PTPRD: variants seen among roughly 807,000 people sequenced by gnomAD.
The protein encoded by PTPRD is protein tyrosine phosphatase receptor type D.
In PTPRD, 34 loss-of-function variants were observed where a neutral mutation model predicts 214.5. The observed-to-expected ratio is 0.16, with a 90% CI of 0.12 to 0.21. The LOEUF is 0.21. PTPRD is among the 10% of genes least tolerant of loss of function. PTPRD has a pLI of 1.00. For synonymous variants in PTPRD, 1,128 were observed against 845.7 expected, an observed-to-expected ratio of 1.33 and a Z score of -5.79; for missense variants, 2,545 against 2,398.7, an observed-to-expected ratio of 1.06 and a Z score of -1.27.
intron 8 of PTPRD, among the ~76,000 whole-genome samples, chr9:9,449,230 G>A (rs35264546): frequency 0.09 from 13,698 of 151,966 alleles, 607 homozygotes; most frequent in South Asian, 0.12. Flanking sequence ...TTACCATTTT[G>A]GAATTATAGA....
intron 11 of PTPRD, among the ~76,000 whole-genome samples, chr9:8,915,060 G>C (rs1188501200): frequency 2.0e-5 from 3 of 152,116 alleles, no homozygotes; most frequent in Non-Finnish European, 4.4e-5. Flanking sequence ...TCAGTGCTAA[G>C]AAAGCTCTCT....
At chr9:9,307,206 T>C (rs1009281750) in intron 9 of PTPRD, among the ~76,000 whole-genome samples, 2 of 152,160 alleles carry the variant, frequency 1.3e-5, no homozygotes, top group Non-Finnish European at 2.9e-5. Flanking sequence ...ATTGTTTGGA[T>C]GGAGAGAAAA....
intron 3 of PTPRD, among the ~76,000 whole-genome samples, chr9:10,238,536 A>C (rs2099636618): frequency 6.6e-6 from 1 of 151,892 alleles, no homozygotes; most frequent in Non-Finnish European, 1.5e-5. Context: ...AAAACACTTA[A>C]AATTTAAAGA....
At chr9:8,937,894 G>T (rs1034257988) in intron 11 of PTPRD, among the ~76,000 whole-genome samples, 3 of 152,130 alleles carry the variant, frequency 2.0e-5, no homozygotes, top group Non-Finnish European at 4.4e-5. Flanking sequence ...TATTTTCACT[G>T]AAAATTAGGT....
intron 14 of PTPRD, among the ~76,000 whole-genome samples, chr9:8,547,586 T>C (rs942892923): frequency 3.4e-5 from 5 of 145,056 alleles, no homozygotes; most frequent in Non-Finnish European, 5.9e-5. Flanking sequence ...GAGGCTACAG[T>C]GAGCCGTGTT....
chr9:10,094,539 C>CTTTT (rs5896370), intron 3 of PTPRD, among the ~76,000 whole-genome samples: 45 of 121,104 alleles, frequency 3.7e-4, no homozygotes, highest in Non-Finnish European at 6.1e-4. Flanking sequence ...TTCTTTCTTT[C>CTTTT]TTTTTTTTTT....
intron 35 of PTPRD, among the ~76,000 whole-genome samples, chr9:8,430,764 C>T (rs142388652): frequency 3.3e-5 from 5 of 152,218 alleles, no homozygotes; most frequent in African/African-American, 1.2e-4. Flanking sequence ...TGTGCCTTTC[C>T]CTTGATAAAA....
chr9:9,586,187 T>C (rs2091915711), intron 7 of PTPRD, among the ~76,000 whole-genome samples: 1 of 151,966 alleles, frequency 6.6e-6, no homozygotes, highest in African/African-American at 2.4e-5. Flanking sequence ...TCATCTCTCA[T>C]ATTTCTTTTT....
intron 3 of PTPRD, among the ~76,000 whole-genome samples, chr9:10,239,121 T>C (rs7025015): frequency 0.13 from 20,328 of 151,910 alleles, 1,424 homozygotes; most frequent in African/African-American, 0.14. Context: ...TTTTAAGTTA[T>C]AGACTAAGTT....
intron 3 of PTPRD, among the ~76,000 whole-genome samples, chr9:10,328,841 C>T (rs1417980833): frequency 6.6e-6 from 1 of 151,752 alleles, no homozygotes; most frequent in Non-Finnish European, 1.5e-5. Flanking sequence ...TCACTTCCAA[C>T]TCTGATAGGA....
intron 4 of PTPRD, among the ~76,000 whole-genome samples, chr9:9,960,419 T>G (rs1296248676): frequency 6.6e-6 from 1 of 152,088 alleles, no homozygotes; most frequent in Non-Finnish European, 1.5e-5. Context: ...TCCTGCGCTG[T>G]GGCCTCTATG....
intron 22 of PTPRD, among the ~76,000 whole-genome samples, chr9:8,505,446 T>C (rs1416196734): frequency 1.3e-5 from 2 of 151,422 alleles, no homozygotes; most frequent in African/African-American, 2.4e-5. Context: ...CATGGTGAAA[T>C]CCCATCTCTC....
intron 11 of PTPRD, among the ~76,000 whole-genome samples, chr9:9,016,059 A>G (rs556588542): frequency 2.8e-4 from 42 of 152,294 alleles, no homozygotes; most frequent in Non-Finnish European, 2.9e-4. Context: ...AAAGAGTTGT[A>G]GGATTAAAAA....
chr9:8,349,437 G>A (rs1458645459), intron 39 of PTPRD, among the ~76,000 whole-genome samples: 1 of 152,054 alleles, frequency 6.6e-6, no homozygotes, highest in African/African-American at 2.4e-5. Flanking sequence ...TCAAAATGAA[G>A]GATTGTACTT....
intron 3 of PTPRD, among the ~76,000 whole-genome samples, chr9:10,166,161 T>C (rs1697356830): frequency 1.3e-5 from 2 of 149,738 alleles, no homozygotes; most frequent in African/African-American, 4.9e-5. Context: ...ATCCATAATA[T>C]ACATCTCTAA....
chr9:8,645,499 T>G (rs2096667730), intron 12 of PTPRD, among the ~76,000 whole-genome samples: 1 of 152,216 alleles, frequency 6.6e-6, no homozygotes, highest in Non-Finnish European at 1.5e-5. Context: ...ACCATTAATT[T>G]TATTTAGGCC....
chr9:9,129,069 A>G (rs564553012), intron 10 of PTPRD, among the ~76,000 whole-genome samples: 1 of 152,222 alleles, frequency 6.6e-6, no homozygotes, highest in Non-Finnish European at 1.5e-5. Flanking sequence ...CTGCTCTTAC[A>G]AGCAGTCCTA....
chr9:9,894,927 C>T (rs957508494), intron 5 of PTPRD, among the ~76,000 whole-genome samples: 1 of 151,878 alleles, frequency 6.6e-6, no homozygotes, highest in African/African-American at 2.4e-5. Context: ...TTGATTTTAA[C>T]TCTAAGAACA....
chr9:8,569,026 T>G (rs909348207), intron 14 of PTPRD, among the ~76,000 whole-genome samples: 1 of 152,112 alleles, frequency 6.6e-6, no homozygotes, highest in African/African-American at 2.4e-5. Context: ...AACAAAATCA[T>G]GTTTGTTGTC....
Sources: gnomAD v4.1 joint callset for allele counts (sites outside exome capture counted in the v4.1 genomes callset) on GRCh38, gnomAD v4.1.1 for gene constraint, MANE v1.5 for transcripts, NCBI Gene and HGNC (gene_info 2026-07-23, HGNC 2026-07-21) for gene names.